The following ABR variants were observed in gnomAD, a reference collection of about 807,000 sequenced individuals.
The protein encoded by ABR is active breakpoint cluster region-related protein.
Under a neutral mutation model 107.2 loss-of-function variants are expected in ABR, and 35 were observed. That is an observed-to-expected ratio of 0.33 (90% CI 0.25 to 0.43). ABR has a LOEUF of 0.43. Ranked by LOEUF, ABR falls within the 20% of genes least tolerant of loss-of-function variation. The pLI, the probability that ABR is intolerant of heterozygous loss-of-function variation, is 1.00. For missense variants in ABR, 815 were observed against 1,115.2 expected, an observed-to-expected ratio of 0.73 and a Z score of 3.83; for synonymous variants, 498 against 462.0, an observed-to-expected ratio of 1.08 and a Z score of -1.00.
At chr17:1,128,375 G>C (rs1237211379) in intron 1 of ABR, among the ~76,000 whole-genome samples, 1 of 152,224 alleles carries the variant, frequency 6.6e-6, no homozygotes, top group East Asian at 1.9e-4. Flanking sequence ...AGAAAAGGCA[G>C]ACAAGGCAAA....
intron 3 of ABR, among the ~76,000 whole-genome samples, chr17:1,098,987 A>G (rs928377914): frequency 6.6e-6 from 1 of 151,762 alleles, no homozygotes; most frequent in Admixed American, 6.6e-5. Flanking sequence ...GGGCTTCACC[A>G]TGTTGGCCAG....
rs2071109807 is a variant in ABR, at chr17:1,015,810, GCT to G, written c.1792-2648_1792-2647del. Among the ~76,000 whole-genome samples, 4 of 152,188 alleles carry G rather than the reference GCT, an allele frequency of 2.6e-5. No individual in the cohort carries two copies. The South Asian group carries it at 8.3e-4, about 32-fold the overall frequency. On this transcript the variant is annotated intron_variant, in intron 16 of 22. Transcript: ENST00000302538. ...TAGCAGAGTAACTTTTTGGTGGAAT[GCT>G]CTCTCAATGAGATGGGCGGAACATT...
At chr17:1,184,926 T>G (rs1298996854), upstream of ABR, 1 of 152,198 alleles carries the variant, frequency 6.6e-6, no homozygotes, top group Non-Finnish European at 1.5e-5. Context: ...TTATCTCCAT[T>G]TCACAGAAGA....
chr17:1,203,827 G>A (rs1001412760), intron 1 of ABR, among the ~76,000 whole-genome samples: 3 of 152,180 alleles, frequency 2.0e-5, no homozygotes, highest in African/African-American at 7.2e-5. Context: ...ACCCGCCAGG[G>A]GGTGTGGCGT....
chr17:1,083,651 GAGGGAGAGGAGGGTGGGA>G (rs780952777), intron 4 of ABR, 24 bp from the exon 5 acceptor site: 1 of 1,535,884 alleles, frequency 6.5e-7, no homozygotes, highest in South Asian at 1.1e-5. Context: ...TCAGGGAACA[GAGGGAGAGGAGGGTGGGA>G]GGGGAGAGGA....
intron 16 of ABR, among the ~76,000 whole-genome samples, chr17:1,021,204 C>T (rs2071597226): frequency 6.6e-6 from 1 of 152,214 alleles, no homozygotes; most frequent in Non-Finnish European, 1.5e-5. Context: ...GTGGACGCCA[C>T]TCAGGACGTG....
At chr17:1,160,152 T>C (rs1040257078) in intron 1 of ABR, among the ~76,000 whole-genome samples, 1 of 151,916 alleles carries the variant, frequency 6.6e-6, no homozygotes, top group Non-Finnish European at 1.5e-5. Context: ...TCCTCTCTGG[T>C]ACAAGGTTCA....
At chr17:1,096,771 G>A (rs559550838) in intron 3 of ABR, among the ~76,000 whole-genome samples, 405 of 137,380 alleles carry the variant, frequency 2.9e-3, no homozygotes, top group Non-Finnish European at 5.0e-3. Flanking sequence ...AACCTGCCCC[G>A]GGTGGAGAGA....
intron 1 of ABR, among the ~76,000 whole-genome samples, chr17:1,163,486 A>G (rs1022522088): frequency 1.3e-5 from 2 of 151,764 alleles, no homozygotes; most frequent in African/African-American, 4.9e-5. Context: ...ATCCAGACGC[A>G]GGGGCCCCAG....
In ABR at chr17:1,010,781, C is replaced by T. The variant is rs762265327; in HGVS notation, c.2184G>A (p.Leu728=). ...GTCGGTCCGTGAGGAGCGGCTCGGG[C>T]AGTTCCCGGAAGTACAGCTTGAGCG... The part of the protein sequence containing the change: ...AGTLKLYFRE[L]PEPLLTDRLY... The change falls in exon 20 of 23, where the codon CTG becomes CTA. Residue 728 remains leucine (L), a synonymous_variant. Coordinates refer to ENST00000302538, the MANE Select transcript of ABR (RefSeq NM_021962.5). The surrounding 1 kb of genome is among the most constrained non-coding windows in gnomAD (Gnocchi z 4.1). 1.2e-5 allele frequency: 19 copies of T among 1,613,590 alleles called. No homozygotes were observed. The East Asian group carries it at 3.3e-4, about 28-fold the overall frequency.
chr17:1,056,171 C>G (rs1011057606), intron 13 of ABR, 62 bp from the exon 14 acceptor site: 6 of 1,455,034 alleles, frequency 4.1e-6, no homozygotes, highest in African/African-American at 2.8e-5. Context: ...GCCTCCACCC[C>G]AGGCCGGCGG....
At chr17:1,062,403 C>A (rs1302017627) in intron 10 of ABR, among the ~76,000 whole-genome samples, 1 of 141,662 alleles carries the variant, frequency 7.1e-6, no homozygotes, top group Admixed American at 7.1e-5. Context: ...TTCCTCTAGA[C>A]ACTGTTGTTA....
intron 2 of ABR, among the ~76,000 whole-genome samples, chr17:1,113,607 G>A (rs986307322): frequency 7.2e-5 from 11 of 151,998 alleles, no homozygotes; most frequent in African/African-American, 2.2e-4. Context: ...TTTTAGATTC[G>A]ACTTTAAACG....
intron 1 of ABR, among the ~76,000 whole-genome samples, chr17:1,220,716 A>G (rs2043104963): frequency 6.6e-6 from 1 of 152,200 alleles, no homozygotes; most frequent in African/African-American, 2.4e-5. Context: ...AGAACAAGCT[A>G]AAAACGAACC....
intron 16 of ABR, among the ~76,000 whole-genome samples, chr17:1,024,616 T>C (rs1196142812): frequency 6.6e-6 from 1 of 151,804 alleles, no homozygotes; most frequent in African/African-American, 2.4e-5. Context: ...CGAAACCTCG[T>C]CTTTACAAAA....
At chr17:1,012,580 A>G (rs901662523) in intron 18 of ABR, 108 bp downstream of exon 18, 11 of 807,614 alleles carry the variant, frequency 1.4e-5, no homozygotes, top group Admixed American at 2.0e-5. Context: ...AGCGGGGGGT[A>G]ACTGATTAGG....
intron 4 of ABR, among the ~76,000 whole-genome samples, chr17:1,089,852 C>T (rs2036901380): frequency 6.6e-6 from 1 of 152,166 alleles, no homozygotes; most frequent in Non-Finnish European, 1.5e-5. Context: ...CCCAGCTACT[C>T]GGGATGCTGA....
At chr17:1,173,313 C>CCACCCAACA (rs2041811442) in intron 1 of ABR, among the ~76,000 whole-genome samples, 1 of 23,268 alleles carries the variant, frequency 4.3e-5, no homozygotes, top group African/African-American at 1.4e-4. Flanking sequence ...TCCACCCCCC[C>CCACCCAACA]CATCACCTCA....
At chr17:1,065,704 C>G (rs906407174) in intron 10 of ABR, among the ~76,000 whole-genome samples, 19 of 150,804 alleles carry the variant, frequency 1.3e-4, no homozygotes, top group Non-Finnish European at 2.7e-4. Flanking sequence ...ATTTTGATTT[C>G]CTCTTTACCT....
Sources: allele counts gnomAD v4.1 joint callset (sites outside exome capture counted in the v4.1 genomes callset), GRCh38; gene constraint gnomAD v4.1.1; non-coding constraint Gnocchi (gnomAD v3.1); transcripts MANE v1.5; gene names NCBI Gene and HGNC (gene_info 2026-07-23, HGNC 2026-07-21).